XRN1: variants seen among roughly 807,000 people sequenced by gnomAD.
XRN1 encodes the protein 5'-3' exoribonuclease 1, also known as strand-exchange protein 1 homolog.
In XRN1, 67 loss-of-function variants were observed where a neutral mutation model predicts 222.3. The observed-to-expected ratio is 0.30, with a 90% CI of 0.25 to 0.37. The LOEUF is 0.37. XRN1 is among the 10% of genes least tolerant of loss of function. The pLI, the probability that XRN1 is intolerant of heterozygous loss-of-function variation, is 1.00. For synonymous variants in XRN1, 643 were observed against 652.4 expected (o/e 0.99, Z 0.22); for missense variants, 1,707 against 2,000.2 (o/e 0.85, Z 2.80).
At chr3:142,346,805 G>A (rs2066156873) in intron 33 of XRN1, among the ~76,000 whole-genome samples, 1 of 152,102 alleles carries the variant, frequency 6.6e-6, no homozygotes, top group Non-Finnish European at 1.5e-5. Flanking sequence ...TTGATCCTCA[G>A]TTGGTTGAAT....
chr3:142,397,527 G>T, intron 19 of XRN1, 67 bp from the exon 20 acceptor site: 2 of 1,284,912 alleles, frequency 1.6e-6, no homozygotes, highest in Non-Finnish European at 1.0e-6. Context: ...CTAGCAGTGT[G>T]AGTCTTCCAA....
chr3:142,412,272 A>G (rs1477156892), intron 15 of XRN1, among the ~76,000 whole-genome samples: 1 of 152,102 alleles, frequency 6.6e-6, no homozygotes, highest in Non-Finnish European at 1.5e-5. Flanking sequence ...GTCTTCTTGA[A>G]CTGAACTGAC....
At chr3:142,338,967 C>G (rs986436972) in intron 33 of XRN1, among the ~76,000 whole-genome samples, 1 of 152,220 alleles carries the variant, frequency 6.6e-6, no homozygotes, top group East Asian at 1.9e-4. Flanking sequence ...AATTCAGACC[C>G]TGTCTCCTGG....
chr3:142,320,376 CTTTT>C (rs2065320433), intron 37 of XRN1, among the ~76,000 whole-genome samples: 1 of 152,240 alleles, frequency 6.6e-6, no homozygotes, highest in East Asian at 1.9e-4. Context: ...GAGATGTCTT[CTTTT>C]GAGAAATGTT....
chr3:142,353,625 T>C (rs1483873271), intron 32 of XRN1, among the ~76,000 whole-genome samples: 1 of 152,170 alleles, frequency 6.6e-6, no homozygotes, highest in Non-Finnish European at 1.5e-5. Flanking sequence ...GCTAGCCATA[T>C]GCAGAAGAAT....
At chr3:142,428,352 A>G (rs1388908888) in intron 2 of XRN1, among the ~76,000 whole-genome samples, 1 of 148,144 alleles carries the variant, frequency 6.8e-6, no homozygotes, top group East Asian at 2.0e-4. Context: ...CCGAGATCAC[A>G]TCACTGCACT....
intron 39 of XRN1, among the ~76,000 whole-genome samples, chr3:142,315,545 G>C (rs2065191530): frequency 1.4e-5 from 2 of 146,126 alleles, no homozygotes; most frequent in Non-Finnish European, 3.0e-5. Context: ...GTCTAGCTCT[G>C]TCACCCAGGC....
At chr3:142,414,527 G>A (rs111250845) in intron 13 of XRN1, among the ~76,000 whole-genome samples, 74 of 148,962 alleles carry the variant, frequency 5.0e-4, no homozygotes, top group African/African-American at 1.7e-3. Context: ...ACAGAGTCTC[G>A]CTCTGTTGCC....
In XRN1 at chr3:142,332,874, T is replaced by C. The variant is rs1197651397; in HGVS notation, c.4062+93A>G. 1.1e-5 allele frequency: 17 copies of C among 1,499,420 alleles called. No homozygotes were observed. The East Asian group carries it at 2.1e-4, about 18-fold the overall frequency. 92.9% of individuals were successfully genotyped at this position (1,499,420 alleles called of 1,614,324 possible). A position where few individuals can be genotyped will look rare whatever the true frequency, so the allele number is the denominator to read the frequency against. ...TAATGATGTAACATACCAGCCTCCA[T>C]GATGGAAGTGTTTGAACACTTGCAT... is the stretch of plus-strand genomic sequence containing the variant. On this transcript the variant is annotated intron_variant, in intron 35 of 40. Coordinates refer to ENST00000392981, the MANE Select transcript of XRN1 (RefSeq NM_001282857.2).
Position 142,311,505 on chromosome 3 carries a change from C to G in XRN1, c.*6G>C, listed in dbSNP as rs749836404. 1 of 1,567,102 alleles carries G rather than the reference C, an allele frequency of 6.4e-7. No individual in the cohort carries two copies. The highest frequency in any genetic ancestry group is 8.7e-7 in the Non-Finnish European group (1 of 1,155,122). On this transcript the variant is annotated 3_prime_UTR_variant, in exon 41 of 41. Coordinates refer to ENST00000392981, the MANE Select transcript of XRN1 (RefSeq NM_001282857.2). ...GAAGAAATTAACTTAATTCTAAGAG[C>G]CAAATTTACTCAGAAGGTTTAGAAA... is the stretch of plus-strand genomic sequence containing the variant.
chr3:142,392,128 C>T (rs2107981653), intron 20 of XRN1, among the ~76,000 whole-genome samples: 1 of 152,196 alleles, frequency 6.6e-6, no homozygotes, highest in Non-Finnish European at 1.5e-5. Flanking sequence ...ACCATGCACC[C>T]TCAGGGGTAG....
chr3:142,324,272 C>T (rs879704120), intron 37 of XRN1, among the ~76,000 whole-genome samples: 62 of 124,416 alleles, frequency 5.0e-4, no homozygotes, highest in South Asian at 1.6e-3. Flanking sequence ...CAGTCCCCAG[C>T]GTGTGATGTT....
chr3:142,410,501 T>TTG (rs1424883008), intron 15 of XRN1, among the ~76,000 whole-genome samples: 4 of 137,352 alleles, frequency 2.9e-5, no homozygotes, highest in East Asian at 2.0e-4. Context: ...TTTTTTTTTT[T>TTG]TTTTTTTTTT....
intron 34 of XRN1, among the ~76,000 whole-genome samples, chr3:142,334,660 CAT>C (rs2065796438): frequency 7.1e-6 from 1 of 140,052 alleles, no homozygotes; most frequent in South Asian, 2.3e-4. Flanking sequence ...TATATAAGAC[CAT>C]ATATATGTCT....
At chr3:142,426,596 C>T (rs572389146) in intron 3 of XRN1, 148 bp downstream of exon 3, 14 of 673,854 alleles carry the variant, frequency 2.1e-5, no homozygotes, top group South Asian at 6.5e-5. Context: ...GTGACCAAAT[C>T]GTCTCATGAG....
At chr3:142,374,554 A>C (rs1020808973) in intron 25 of XRN1, among the ~76,000 whole-genome samples, 1 of 152,340 alleles carries the variant, frequency 6.6e-6, no homozygotes, top group South Asian at 2.1e-4. Context: ...TACAGATTTA[A>C]TAAAAAATCT....
chr3:142,440,658 T>A (rs555169711), intron 1 of XRN1, among the ~76,000 whole-genome samples: 379 of 152,180 alleles, frequency 2.5e-3, no homozygotes, highest in Non-Finnish European at 4.5e-3. Context: ...CAACAGACAG[T>A]GGAGGTTAGT....
chr3:142,436,921 A>G (rs9847364), intron 1 of XRN1, among the ~76,000 whole-genome samples: 92,362 of 152,038 alleles, frequency 0.61, 29,032 homozygotes, highest in African/African-American at 0.78. Flanking sequence ...CTATACAATA[A>G]TTTTTATATT....
intron 32 of XRN1, among the ~76,000 whole-genome samples, chr3:142,355,019 A>G (rs2066422803): frequency 6.6e-6 from 1 of 151,552 alleles, no homozygotes; most frequent in Non-Finnish European, 1.5e-5. Flanking sequence ...GTGGGAGCTA[A>G]GCATTGGGGA....
Sources: allele counts gnomAD v4.1 joint callset (sites outside exome capture counted in the v4.1 genomes callset), GRCh38; gene constraint gnomAD v4.1.1; transcripts MANE v1.5; gene names NCBI Gene and HGNC (gene_info 2026-07-23, HGNC 2026-07-21).